The following PALM2AKAP2 variants were observed in gnomAD, a reference collection of about 807,000 sequenced individuals.
PALM2AKAP2 encodes the protein PALM2-AKAP2 fusion protein.
In PALM2AKAP2, 37 loss-of-function variants were observed where a neutral mutation model predicts 71.5. The ratio of observed to expected loss-of-function variants is 0.52; its 90% CI spans 0.40 to 0.68. The LOEUF is 0.68. PALM2AKAP2 is among the 30% of genes least tolerant of loss of function. The pLI, the probability that PALM2AKAP2 is intolerant of heterozygous loss-of-function variation, is 0.00. For missense variants in PALM2AKAP2, 1,224 were observed against 1,191.8 expected (o/e 1.03, Z -0.40); for synonymous variants, 468 against 478.8 (o/e 0.98, Z 0.29).
chr9:109,772,327 C>T (rs1829281687), intron 1 of PALM2AKAP2, among the ~76,000 whole-genome samples: 1 of 152,202 alleles, frequency 6.6e-6, no homozygotes, highest in African/African-American at 2.4e-5. Context: ...CCCAGTCAAG[C>T]AGCCGCCTTT....
At chr9:109,895,160 A>T in intron 3 of PALM2AKAP2, among the ~76,000 whole-genome samples, 1 of 152,194 alleles carries the variant, frequency 6.6e-6, no homozygotes, top group East Asian at 1.9e-4. Context: ...TGCAAAAGCA[A>T]ATCTTAGCCC....
At chr9:110,159,248 A>G (rs1419978450) in intron 3 of PALM2AKAP2, among the ~76,000 whole-genome samples, 4 of 152,142 alleles carry the variant, frequency 2.6e-5, no homozygotes, top group African/African-American at 9.7e-5. Flanking sequence ...TACATACACT[A>G]TTCTCACAGA....
intron 6 of PALM2AKAP2, among the ~76,000 whole-genome samples, chr9:109,978,259 G>T (rs1832206520): frequency 6.6e-6 from 1 of 152,108 alleles, no homozygotes; most frequent in South Asian, 2.1e-4. Flanking sequence ...GATGTCAGTG[G>T]AGGTTGGCAG....
intron 1 of PALM2AKAP2, among the ~76,000 whole-genome samples, chr9:109,687,032 A>G (rs568141253): frequency 6.6e-6 from 1 of 152,254 alleles, no homozygotes; most frequent in Non-Finnish European, 1.5e-5. Context: ...GCTGCATAGT[A>G]TTCCATGGTG....
intron 6 of PALM2AKAP2, among the ~76,000 whole-genome samples, chr9:109,985,330 A>G (rs1371857730): frequency 6.6e-6 from 1 of 152,142 alleles, no homozygotes; most frequent in African/African-American, 2.4e-5. Flanking sequence ...CCAATGTGAA[A>G]TATGCTTAAT....
chr9:110,070,145 C>G (rs1461775865), intron 1 of PALM2AKAP2, among the ~76,000 whole-genome samples: 1 of 152,214 alleles, frequency 6.6e-6, no homozygotes, highest in African/African-American at 2.4e-5. Context: ...AGTGGAAACA[C>G]TTTCACCTAC....
chr9:110,095,284 C>T (rs913377329), intron 1 of PALM2AKAP2, among the ~76,000 whole-genome samples: 46 of 152,248 alleles, frequency 3.0e-4, no homozygotes, highest in African/African-American at 1.1e-3. Flanking sequence ...TAAACAGGGA[C>T]ATTGTCTAAG....
chr9:110,076,520 T>C (rs1245323074), intron 1 of PALM2AKAP2, among the ~76,000 whole-genome samples: 1 of 143,806 alleles, frequency 7.0e-6, no homozygotes, highest in East Asian at 1.9e-4. Flanking sequence ...TAGGTATATA[T>C]ACCTCCAAAA....
At chr9:109,726,051 C>T (rs139265785) in intron 1 of PALM2AKAP2, among the ~76,000 whole-genome samples, 1 of 152,186 alleles carries the variant, frequency 6.6e-6, no homozygotes, top group African/African-American at 2.4e-5. Flanking sequence ...GGACTAGTAC[C>T]TTTAACACAT....
At chr9:109,885,376 T>C (rs1829942105) in intron 3 of PALM2AKAP2, among the ~76,000 whole-genome samples, 1 of 152,200 alleles carries the variant, frequency 6.6e-6, no homozygotes, top group Non-Finnish European at 1.5e-5. Context: ...GGGAAGGTTT[T>C]TAAAAATAAG....
At chr9:109,789,855 CTT>C (rs1362653058) in intron 1 of PALM2AKAP2, among the ~76,000 whole-genome samples, 1 of 152,146 alleles carries the variant, frequency 6.6e-6, no homozygotes, top group East Asian at 1.9e-4. Flanking sequence ...TCATTAGTCT[CTT>C]GTTGAATTAA....
At chr9:109,766,296 G>A (rs1829152956) in intron 1 of PALM2AKAP2, among the ~76,000 whole-genome samples, 1 of 152,198 alleles carries the variant, frequency 6.6e-6, no homozygotes, top group Admixed American at 6.5e-5. Flanking sequence ...CAAATGATTT[G>A]AGTGTTTTCC....
intron 1 of PALM2AKAP2, among the ~76,000 whole-genome samples, chr9:110,073,743 T>C (rs1320321850): frequency 6.6e-6 from 1 of 152,204 alleles, no homozygotes; most frequent in African/African-American, 2.4e-5. Flanking sequence ...GTCTTTTCTC[T>C]GGGGAAGTTC....
rs986630274 is a variant in PALM2AKAP2 at position 110,025,316 on chromosome 9, A to T, written c.582+9277A>T. 6.4e-5 allele frequency: 77 copies of T among 1,204,666 alleles called. 1 individual carries two copies. The highest frequency in any genetic ancestry group is 5.0e-5 in the Admixed American group (3 of 59,490). 74.6% of individuals were successfully genotyped at this position (1,204,666 alleles called of 1,614,324 possible). A position where few individuals can be genotyped will look rare whatever the true frequency, so the allele number is the denominator to read the frequency against. On this transcript the variant is annotated intron_variant, in intron 7 of 9. Transcript: ENST00000302798. ...CCATGTTTTCTAAAAGGCCTAGAGA[A>T]CATATGTCGGGAGCCTCTCCTCTTT...
intron 1 of PALM2AKAP2, chr9:109,862,914 G>A (rs376390003): frequency 3.7e-4 from 191 of 515,222 alleles, no homozygotes; most frequent in Non-Finnish European, 6.1e-4. Context: ...GAGACTGCAA[G>A]TAGTCTTTGA....
intron 1 of PALM2AKAP2, among the ~76,000 whole-genome samples, chr9:109,751,868 A>C (rs1190694249): frequency 6.6e-6 from 1 of 152,144 alleles, no homozygotes; most frequent in Non-Finnish European, 1.5e-5. Context: ...GAATATGGGG[A>C]GAATAGCTAT....
At chr9:110,060,235 C>T (rs763642660) in intron 1 of PALM2AKAP2, among the ~76,000 whole-genome samples, 76 of 151,964 alleles carry the variant, frequency 5.0e-4, no homozygotes, top group Non-Finnish European at 9.6e-4. Flanking sequence ...GGCTTGGCCT[C>T]CCAAGTAGCT....
At chr9:109,808,962 A>G (rs562687391) in intron 1 of PALM2AKAP2, among the ~76,000 whole-genome samples, 1 of 152,378 alleles carries the variant, frequency 6.6e-6, no homozygotes, top group Admixed American at 6.5e-5. Context: ...GCAGGTGCAC[A>G]GAAGTCAAGA....
At chr9:109,974,267 A>G (rs1461466864) in intron 6 of PALM2AKAP2, among the ~76,000 whole-genome samples, 1 of 152,200 alleles carries the variant, frequency 6.6e-6, no homozygotes, top group East Asian at 1.9e-4. Context: ...TCTAAAGGGC[A>G]CTCACAAGAG....
Sources: gnomAD v4.1 joint callset for allele counts (sites outside exome capture counted in the v4.1 genomes callset) on GRCh38, gnomAD v4.1.1 for gene constraint, MANE v1.5 for transcripts, NCBI Gene and HGNC (gene_info 2026-07-23, HGNC 2026-07-21) for gene names.